CNBD1: variants seen among roughly 807,000 people sequenced by gnomAD.
The protein encoded by CNBD1 is cyclic nucleotide-binding domain-containing protein 1.
Under a neutral mutation model 54.4 loss-of-function variants are expected in CNBD1, and 71 were observed. The observed-to-expected ratio is 1.30, with a 90% CI of 1.08 to 1.59. The LOEUF is 1.59. Among genes scored for constraint, CNBD1 ranks in the 40% most tolerant of loss-of-function variants. The pLI is 0.00. For synonymous variants in CNBD1, 182 were observed against 170.7 expected, an observed-to-expected ratio of 1.07 and a Z score of -0.51; for missense variants, 659 against 518.0, an observed-to-expected ratio of 1.27 and a Z score of -2.64.
chr8:86,889,958 C>T (rs1466200877), intron 2 of CNBD1, among the ~76,000 whole-genome samples: 6 of 151,480 alleles, frequency 4.0e-5, no homozygotes, highest in South Asian at 2.1e-4. Flanking sequence ...GTCTGGAGAG[C>T]GGATTATTTT....
At chr8:87,331,121 C>T (rs1002300096) in intron 8 of CNBD1, among the ~76,000 whole-genome samples, 2 of 152,128 alleles carry the variant, frequency 1.3e-5, no homozygotes, top group Non-Finnish European at 2.9e-5. Flanking sequence ...CACAGGTATA[C>T]ATATGCCATT....
chr8:86,935,222 G>A (rs1259818611), intron 3 of CNBD1, among the ~76,000 whole-genome samples: 1 of 151,982 alleles, frequency 6.6e-6, no homozygotes, highest in African/African-American at 2.4e-5. Flanking sequence ...ATTTTTAGTA[G>A]AGACAGGGTT....
At chr8:87,385,712 G>T (rs896315977), downstream of CNBD1, among the ~76,000 whole-genome samples, 1 of 152,158 alleles carries the variant, frequency 6.6e-6, no homozygotes, top group African/African-American at 2.4e-5. Flanking sequence ...CCAATCAAAA[G>T]GCAGCAGAAA....
intron 8 of CNBD1, among the ~76,000 whole-genome samples, chr8:87,334,174 T>C (rs1363177037): frequency 1.3e-5 from 2 of 152,174 alleles, no homozygotes; most frequent in African/African-American, 4.8e-5. Context: ...TGCATAGAGG[T>C]GTTTATACCA....
intron 10 of CNBD1, among the ~76,000 whole-genome samples, chr8:87,378,444 T>G (rs201026978): frequency 1.5e-4 from 23 of 151,074 alleles, no homozygotes; most frequent in South Asian, 8.3e-4. Flanking sequence ...TCTCAGGTTT[T>G]TCAAAGATCA....
intron 4 of CNBD1, among the ~76,000 whole-genome samples, chr8:87,003,637 G>T (rs1809037722): frequency 6.6e-6 from 1 of 152,002 alleles, no homozygotes; most frequent in African/African-American, 2.4e-5. Context: ...TTTTTAAAGA[G>T]GGCGTTTAAC....
chr8:86,934,318 A>G (rs1222590191), intron 3 of CNBD1, among the ~76,000 whole-genome samples: 1 of 152,202 alleles, frequency 6.6e-6, no homozygotes, highest in Non-Finnish European at 1.5e-5. Context: ...ATTCATATGT[A>G]AGGAACATAA....
intron 3 of CNBD1, among the ~76,000 whole-genome samples, chr8:86,937,126 T>A (rs1300956407): frequency 1.3e-5 from 2 of 152,156 alleles, no homozygotes; most frequent in Non-Finnish European, 2.9e-5. Flanking sequence ...CTCACAATCA[T>A]GGTAGAAGGT....
chr8:86,898,084 ATGT>A (rs1253702050), intron 2 of CNBD1, among the ~76,000 whole-genome samples: 2 of 152,198 alleles, frequency 1.3e-5, no homozygotes, highest in Non-Finnish European at 2.9e-5. Context: ...TCTCTAAGTC[ATGT>A]TGTGGATGGG....
intron 4 of CNBD1, among the ~76,000 whole-genome samples, chr8:87,002,058 A>G (rs1809003982): frequency 6.6e-6 from 1 of 152,150 alleles, no homozygotes; most frequent in South Asian, 2.1e-4. Context: ...TTTCTATAGA[A>G]ATGTTATTTA....
chr8:87,270,967 G>GA (rs2082050814), intron 6 of CNBD1, among the ~76,000 whole-genome samples: 1 of 151,484 alleles, frequency 6.6e-6, no homozygotes, highest in South Asian at 2.1e-4. Flanking sequence ...TTTGTTTGTT[G>GA]AGATTTTCTA....
intron 8 of CNBD1, among the ~76,000 whole-genome samples, chr8:87,338,575 AG>A (rs1055505835): frequency 6.6e-6 from 1 of 150,568 alleles, no homozygotes; most frequent in Non-Finnish European, 1.5e-5. Context: ...TCTCCTCTAT[AG>A]GTAACGTATT....
chr8:87,036,897 A>C (rs2130603233), intron 4 of CNBD1, among the ~76,000 whole-genome samples: 1 of 152,248 alleles, frequency 6.6e-6, no homozygotes, highest in Admixed American at 6.5e-5. Context: ...TGTCATCCTA[A>C]GATTTTCTTT....
chr8:87,373,110 G>A (rs1045121784), intron 10 of CNBD1, among the ~76,000 whole-genome samples: 3 of 151,566 alleles, frequency 2.0e-5, no homozygotes, highest in South Asian at 4.1e-4. Context: ...ATAAATAAAG[G>A]CATAGTTTAC....
intron 4 of CNBD1, among the ~76,000 whole-genome samples, chr8:87,189,717 G>A (rs1023292672): frequency 6.6e-6 from 1 of 152,074 alleles, no homozygotes. Flanking sequence ...TGCACTCCGC[G>A]AATGACCAAA....
intron 4 of CNBD1, among the ~76,000 whole-genome samples, chr8:87,151,238 G>C (rs1346112533): frequency 6.6e-6 from 1 of 152,150 alleles, no homozygotes; most frequent in Non-Finnish European, 1.5e-5. Flanking sequence ...ACCCAATTTA[G>C]ATGGGGTGCG....
intron 4 of CNBD1, among the ~76,000 whole-genome samples, chr8:86,989,606 A>G (rs1412018602): frequency 1.3e-5 from 2 of 152,052 alleles, no homozygotes; most frequent in Non-Finnish European, 2.9e-5. Flanking sequence ...ACATGCCACC[A>G]TGCCCAGCTA....
intron 5 of CNBD1, among the ~76,000 whole-genome samples, chr8:87,209,494 A>G (rs1246161665): frequency 6.6e-6 from 1 of 152,174 alleles, no homozygotes; most frequent in Non-Finnish European, 1.5e-5. Context: ...ACTGTAAACT[A>G]GAAAATATTG....
chr8:87,218,450 G>T (rs1814259697), intron 5 of CNBD1, among the ~76,000 whole-genome samples: 1 of 151,948 alleles, frequency 6.6e-6, no homozygotes, highest in Non-Finnish European at 1.5e-5. Context: ...ACATATCACG[G>T]TGCCATTCTT....
Sources: allele counts gnomAD v4.1 joint callset (sites outside exome capture counted in the v4.1 genomes callset), GRCh38; gene constraint gnomAD v4.1.1; transcripts MANE v1.5; gene names NCBI Gene and HGNC (gene_info 2026-07-23, HGNC 2026-07-21).